Variants in PCDHA5 observed in about 807,000 individuals in gnomAD.
The protein encoded by PCDHA5 is protocadherin alpha-5.
In PCDHA5, 43 loss-of-function variants were observed where a neutral mutation model predicts 61.6. That is an observed-to-expected ratio of 0.70 (90% confidence interval 0.55 to 0.90). The LOEUF is 0.90. Among genes scored for constraint, PCDHA5 ranks in the 40% least tolerant of loss-of-function variants. PCDHA5 has a pLI of 0.00. For synonymous variants in PCDHA5, 627 were observed against 543.9 expected (o/e 1.15, Z -2.13); for missense variants, 1,298 against 1,222.7 (o/e 1.06, Z -0.92).
chr5:140,856,471 A>T, intron 1 of PCDHA5: 3 of 1,597,970 alleles, frequency 1.9e-6, no homozygotes, highest in Non-Finnish European at 2.6e-6. Context: ...AGCTCTCAAT[A>T]CCTGAATCCA....
intron 1 of PCDHA5, among the ~76,000 whole-genome samples, chr5:140,977,613 G>T (rs1554238687): frequency 2.0e-5 from 3 of 152,150 alleles, no homozygotes; most frequent in African/African-American, 7.2e-5. Flanking sequence ...TTGAGGTAAA[G>T]TATCCCAGAG....
intron 1 of PCDHA5, among the ~76,000 whole-genome samples, chr5:140,880,084 T>C (rs1554171167): frequency 6.6e-6 from 1 of 152,208 alleles, no homozygotes. Context: ...CAACCTATTA[T>C]AGTAGGCTTA....
At chr5:140,971,624 T>C (rs2153790714) in intron 1 of PCDHA5, among the ~76,000 whole-genome samples, 1 of 152,254 alleles carries the variant, frequency 6.6e-6, no homozygotes, top group East Asian at 1.9e-4. Flanking sequence ...TGGGGTACAA[T>C]TAGTACCATG....
At chr5:140,928,810 G>T (rs143843461) in intron 1 of PCDHA5, 1 of 1,614,106 alleles carries the variant, frequency 6.2e-7, no homozygotes. Context: ...AGTGGTTCGG[G>T]ACCATGGAGA....
In PCDHA5 at chr5:140,823,392, G is replaced by T. The variant is rs200444377; in HGVS notation, c.1617G>T (p.Ala539=). The change falls in exon 1 of 4, where the codon GCG becomes GCT. Residue 539 remains alanine (A), a synonymous_variant. Coordinates refer to ENST00000529859, the MANE Select transcript of PCDHA5 (RefSeq NM_018908.3). ...LLQFQVSARD[A]GVPPLGSNVT... is the part of the protein sequence containing the mutation. ...AGTTCCAGGTGAGCGCGCGCGACGC[G>T]GGCGTGCCGCCTCTGGGCAGCAACG... is the stretch of plus-strand genomic sequence containing the variant. The T allele has an allele frequency of 5.6e-6, 9 of 1,612,814 alleles. No individual in the cohort carries two copies. In the Admixed American group the frequency reaches 1.3e-4, roughly 24 times the overall value.
chr5:140,836,596 C>G, intron 1 of PCDHA5: 1 of 1,613,764 alleles, frequency 6.2e-7, no homozygotes, highest in South Asian at 1.1e-5. Context: ...GTAAAGCCCA[C>G]TCTGGTGTGC....
intron 1 of PCDHA5, chr5:140,862,465 G>A (rs1462351326): frequency 8.1e-6 from 3 of 371,280 alleles, no homozygotes; most frequent in Non-Finnish European, 1.6e-5. Flanking sequence ...GACCAAGAGA[G>A]CAAATCTATC....
intron 3 of PCDHA5, among the ~76,000 whole-genome samples, chr5:141,007,801 G>T (rs559830556): frequency 2.6e-5 from 4 of 152,148 alleles, no homozygotes; most frequent in Non-Finnish European, 5.9e-5. Flanking sequence ...GCCTTTATCT[G>T]CCATTCATTT....
intron 1 of PCDHA5, among the ~76,000 whole-genome samples, chr5:140,919,973 A>T (rs1554199334): frequency 7.5e-6 from 1 of 133,994 alleles, no homozygotes; most frequent in Non-Finnish European, 1.7e-5. Context: ...TAAATAAGAG[A>T]TAGAAGATGG....
chr5:140,824,627 T>TTTTTTTTTTTTTTTTTTTTTTTG (rs1554130003), intron 1 of PCDHA5: 1 of 134,010 alleles, frequency 7.5e-6, no homozygotes, highest in African/African-American at 3.2e-5. Flanking sequence ...TTTTTTTTTT[T>TTTTTTTTTTTTTTTTTTTTTTTG]TTTTTATTTT....
intron 3 of PCDHA5, among the ~76,000 whole-genome samples, chr5:140,984,112 A>G (rs2097087288): frequency 6.6e-6 from 1 of 152,244 alleles, no homozygotes; most frequent in Admixed American, 6.5e-5. Flanking sequence ...GTGGTTTTAG[A>G]CTGCCAAGTG....
At chr5:140,990,227 A>G (rs1424384055) in intron 3 of PCDHA5, among the ~76,000 whole-genome samples, 1 of 152,134 alleles carries the variant, frequency 6.6e-6, no homozygotes, top group Non-Finnish European at 1.5e-5. Flanking sequence ...GTTTATTGTA[A>G]CTAGCGTTGT....
At position 140,823,444 on chromosome 5, in the gene PCDHA5, G is replaced by A. The variant is rs201739706; in HGVS notation, c.1669G>A (p.Glu557Lys). ...NVTLQVFVLDENDNAPALLVP... is the reference protein window; with the variant it reads ...NVTLQVFVLDKNDNAPALLVP... Reference sequence around the variant, plus strand: ...GACGCTGCAGGTGTTCGTGCTGGACGAGAACGACAACGCGCCGGCGCTGCT... The same window carrying A: ...GACGCTGCAGGTGTTCGTGCTGGACAAGAACGACAACGCGCCGGCGCTGCT... Residue 557 changes from glutamate to lysine, a missense_variant, in exon 1 of 4, where the codon GAG becomes AAG. Transcript: ENST00000529859. 34 of 1,613,290 alleles carry A rather than the reference G, an allele frequency of 2.1e-5. No homozygotes were observed. Among genetic ancestry groups the A allele is most frequent in the African/African-American group, 5.3e-5 (4 of 74,920 alleles).
chr5:140,836,094 G>C, intron 1 of PCDHA5: 1 of 1,613,708 alleles, frequency 6.2e-7, no homozygotes, highest in Middle Eastern at 1.6e-4. Context: ...GCCTCGGGTG[G>C]GTGGCACTGG....
chr5:140,889,983 T>C (rs1347862441), intron 1 of PCDHA5, among the ~76,000 whole-genome samples: 1 of 152,208 alleles, frequency 6.6e-6, no homozygotes, highest in Non-Finnish European at 1.5e-5. Flanking sequence ...TCTCCAGTTG[T>C]CTTAGCTTTC....
intron 1 of PCDHA5, chr5:140,849,440 A>G: frequency 6.3e-7 from 1 of 1,584,040 alleles, no homozygotes; most frequent in Non-Finnish European, 8.6e-7. Flanking sequence ...AAAGTAGAGC[A>G]CACAAGATCC....
chr5:140,850,871 C>T (rs2041861877), intron 1 of PCDHA5: 1 of 1,591,984 alleles, frequency 6.3e-7, no homozygotes, highest in Admixed American at 1.7e-5. Flanking sequence ...CCTCTGCTTC[C>T]TCAGATTCAA....
intron 1 of PCDHA5, chr5:140,828,164 A>C: frequency 3.1e-6 from 5 of 1,614,130 alleles, no homozygotes; most frequent in Non-Finnish European, 4.2e-6. Flanking sequence ...CGCAGCCTGG[A>C]AGGTGGGGAG....
chr5:140,933,645 G>A lies in PCDHA5; in HGVS notation c.2353-45304G>A, dbSNP rs1014286392. Among the ~76,000 whole-genome samples the A allele has an allele frequency of 3.3e-5, 5 of 151,892 alleles. No individual in the cohort carries two copies. The South Asian group carries it at 8.3e-4, about 25-fold the overall frequency. On this transcript the variant is annotated intron_variant, in intron 1 of 3. Transcript: ENST00000529859. ...TAGGCTGGCCCTGTTAAACAAGTTG[G>A]AAATCCTGTCTCTCTCTCTGTCTCT...
Sources: gnomAD v4.1 joint callset for allele counts (sites outside exome capture counted in the v4.1 genomes callset) on GRCh38, gnomAD v4.1.1 for gene constraint, MANE v1.5 for transcripts, NCBI Gene and HGNC (gene_info 2026-07-23, HGNC 2026-07-21) for gene names.